The following ZNF680 variants were observed in gnomAD, a reference collection of about 807,000 sequenced individuals.
ZNF680 encodes the protein zinc finger protein 680, also known as hypothetical protein FLJ90430.
In ZNF680, 6 loss-of-function variants were observed where a neutral mutation model predicts 12.1. The ratio of observed to expected loss-of-function variants is 0.49; its 90% CI spans 0.27 to 0.98. The LOEUF is 0.98. Among genes scored for constraint, ZNF680 ranks in the 50% least tolerant of loss-of-function variants. The pLI is 0.12. For synonymous variants in ZNF680, 170 were observed against 199.3 expected (o/e 0.85, Z 1.24); for missense variants, 561 against 616.3 (o/e 0.91, Z 0.95).
chr7:64,524,437 A>G (rs1243078168), intron 3 of ZNF680, among the ~76,000 whole-genome samples: 1 of 152,158 alleles, frequency 6.6e-6, no homozygotes, highest in African/African-American at 2.4e-5. Flanking sequence ...GCTCACAAAG[A>G]AGAATATTAA....
At chr7:64,562,029 T>TC (rs1429128748) in intron 1 of ZNF680, among the ~76,000 whole-genome samples, 2 of 148,796 alleles carry the variant, frequency 1.3e-5, no homozygotes, top group African/African-American at 2.5e-5. Flanking sequence ...GGTCAGGAGT[T>TC]CAAGACCAGC....
rs372480256 is a variant in ZNF680, at chr7:64,531,489, C to T, written c.254-8989G>A. On this transcript the variant is annotated intron_variant, in intron 3 of 3. Transcript: ENST00000309683. The stretch of plus-strand genomic sequence containing the variant: ...GCGGGTGCCTGTAGTCCCAGCTACT[C>T]GGGTGGTTGAGGCAGGAGAATGGCG... Among the ~76,000 whole-genome samples, 52 of 148,368 alleles carry T rather than the reference C, an allele frequency of 3.5e-4. No homozygotes were observed. The East Asian group carries it at 8.8e-3, about 25-fold the overall frequency.
At position 64,544,626 on chromosome 7, in the gene ZNF680, C is replaced by G. The variant is rs180768324; in HGVS notation, c.31-194G>C. Among the ~76,000 whole-genome samples the G allele has an allele frequency of 8.2e-4, 125 of 152,214 alleles. 1 individual carries two copies. The highest frequency in any genetic ancestry group is 2.9e-3 in the African/African-American group (120 of 41,528). ...AAATATTCTCTAATATATTCTTTAACTCAGATAAGAGAACAGCATAAGATC... is the reference window on the plus strand; with the variant it reads ...AAATATTCTCTAATATATTCTTTAAGTCAGATAAGAGAACAGCATAAGATC... On this transcript the variant is annotated intron_variant, in intron 1 of 3. Coordinates refer to ENST00000309683, the MANE Select transcript of ZNF680 (RefSeq NM_178558.5).
chr7:64,526,061 G>A (rs1791826453), intron 3 of ZNF680: 1 of 965,166 alleles, frequency 1.0e-6, no homozygotes. Flanking sequence ...ATTAACTCAT[G>A]TGAGGTGGCA....
At position 64,521,471 on chromosome 7, in the gene ZNF680, T is replaced by C; in HGVS notation, c.1283A>G (p.His428Arg). Reference protein sequence around the residue: ...CSSLTRHKRIHTRENTYKCEE... With the variant: ...CSSLTRHKRIRTRENTYKCEE... ...ACATTTGTAGGTATTCTCTCTAGTG[T>C]GAATTCTCTTATGTCGAGTAAGGCT... Residue 428 changes from histidine (H) to arginine (R), a missense_variant, in exon 4 of 4, where the codon CAC (histidine) becomes CGC (arginine). Transcript: ENST00000309683. 6.2e-7 allele frequency: 1 copy of C among 1,613,576 alleles called. No individual in the cohort carries two copies. The highest frequency in any genetic ancestry group is 8.5e-7 in the Non-Finnish European group (1 of 1,179,718).
chr7:64,561,934 CAAA>C (rs1187872173), intron 1 of ZNF680, among the ~76,000 whole-genome samples: 2 of 80,312 alleles, frequency 2.5e-5, no homozygotes, highest in Non-Finnish European at 5.3e-5. Context: ...GACTCCGTCT[CAAA>C]AAAAAAAAAA....
chr7:64,530,826 C>T (rs1352543921), intron 3 of ZNF680, among the ~76,000 whole-genome samples: 2 of 151,018 alleles, frequency 1.3e-5, no homozygotes, highest in South Asian at 4.2e-4. Flanking sequence ...CCACTGCACT[C>T]CAGCCTGGGC....
chr7:64,537,854 C>G (rs201458936), intron 3 of ZNF680, among the ~76,000 whole-genome samples: 1 of 151,862 alleles, frequency 6.6e-6, no homozygotes, highest in Non-Finnish European at 1.5e-5. Flanking sequence ...GACGTGAACC[C>G]GGGAGGCAGA....
At chr7:64,510,922 T>A in the ZNF680 span, among the ~76,000 whole-genome samples, 14,201 of 33,038 alleles carry the variant, frequency 0.43, 3,315 homozygotes, top group African/African-American at 0.53. Flanking sequence ...AAAAAAAAAA[T>A]AAAAAATAAA....
intron 1 of ZNF680, among the ~76,000 whole-genome samples, chr7:64,562,020 G>A (rs1048627894): frequency 6.7e-6 from 1 of 149,894 alleles, no homozygotes; most frequent in Non-Finnish European, 1.5e-5. Context: ...AGATCACAAG[G>A]TCAGGAGTTC....
At position 64,548,046 on chromosome 7, in the gene ZNF680, C is replaced by G. The variant is rs1786875281; in HGVS notation, c.31-3614G>C. Among the ~76,000 whole-genome samples the G allele has an allele frequency of 3.3e-5, 5 of 152,096 alleles. No homozygotes were observed. The South Asian group carries it at 1.0e-3, about 31-fold the overall frequency. On this transcript the variant is annotated intron_variant, in intron 1 of 3. Transcript: ENST00000309683. ...GCAGAACTGGGGCAGGGAGTGGACC[C>G]TATGTAGAATTCTGCTCTCTATGCC...
intron 1 of ZNF680, among the ~76,000 whole-genome samples, chr7:64,559,283 G>A (rs564431026): frequency 2.6e-5 from 4 of 151,932 alleles, no homozygotes; most frequent in Non-Finnish European, 5.9e-5. Context: ...TGATATTACC[G>A]AAGTCAAGGG....
Position 64,521,539 on chromosome 7 carries a change from G to C in ZNF680, c.1215C>G (p.Pro405=), listed in dbSNP as rs1339045119. 6.2e-7 allele frequency: 1 copy of C among 1,613,190 alleles called. No individual in the cohort carries two copies. Among genetic ancestry groups the C allele is most frequent in the African/African-American group, 1.3e-5 (1 of 75,004 alleles). Residue 405 remains proline, a synonymous_variant, in exon 4 of 4, where the codon CCC becomes CCG. Transcript: ENST00000309683. ...CTTTGCCACATTCTTCACATTTGTA[G>C]GGTTTCTCTCCAGTATGAATTCTCA... ...EHMRIHTGEK[P]YKCEECGKAF... is the part of the protein sequence containing the mutation.
the ZNF680 span, among the ~76,000 whole-genome samples, chr7:64,509,833 G>C: frequency 6.6e-6 from 1 of 152,122 alleles, no homozygotes; most frequent in East Asian, 1.9e-4. Flanking sequence ...ACCCAAAGGA[G>C]AGAGAGAAGG....
chr7:64,522,194 C>A lies in ZNF680; in HGVS notation c.560G>T (p.Cys187Phe). ...TGAAAGCATGCAAAATGATTTGCCA[C>A]ATTCTTTACATTTGAAAACCTTCTT... ...TGKKVFKCKE[C>F]GKSFCMLSHL... is the part of the protein sequence containing the mutation. The change falls in exon 4 of 4, where the codon TGT becomes TTT. Residue 187 changes from cysteine (C) to phenylalanine (F), a missense_variant. Cys to Phe is a radical substitution (Grantham distance 205). Transcript: ENST00000309683. 6.2e-7 allele frequency: 1 copy of A among 1,612,550 alleles called. No individual in the cohort carries two copies. Among genetic ancestry groups the A allele is most frequent in the Non-Finnish European group, 8.5e-7 (1 of 1,179,104 alleles).
intron 3 of ZNF680, among the ~76,000 whole-genome samples, chr7:64,536,070 A>G (rs1786147838): frequency 6.6e-6 from 1 of 152,230 alleles, no homozygotes; most frequent in Non-Finnish European, 1.5e-5. Flanking sequence ...TTATCTATCT[A>G]TATGTATGTG....
the ZNF680 span, among the ~76,000 whole-genome samples, chr7:64,510,706 C>T: frequency 2.1e-4 from 29 of 136,556 alleles, no homozygotes; most frequent in East Asian, 3.4e-3. Context: ...GTCAGGAGAT[C>T]GAGACCATCC....
At chr7:64,525,779 A>G (rs765746976) in intron 3 of ZNF680, 38 of 970,066 alleles carry the variant, frequency 3.9e-5, no homozygotes, top group Non-Finnish European at 4.7e-5. Flanking sequence ...AAAATAATAT[A>G]GATCCATGAA....
At position 64,520,363 on chromosome 7, in the gene ZNF680, T is replaced by C. The variant is rs1363686743; in HGVS notation, c.*798A>G. Reference sequence around the variant, plus strand: ...AAAAAGTATACTTTCAATGTAATTATAACTCTCCAAAGAATCTTCTACTCC... The same window carrying C: ...AAAAAGTATACTTTCAATGTAATTACAACTCTCCAAAGAATCTTCTACTCC... On this transcript the variant is annotated 3_prime_UTR_variant, in exon 4 of 4. Transcript: ENST00000309683. 1 of 151,834 alleles carries C rather than the reference T, an allele frequency of 6.6e-6. No individual in the cohort carries two copies. Among genetic ancestry groups the C allele is most frequent in the South Asian group, 2.1e-4 (1 of 4,834 alleles). The allele number at this position is 151,834 out of a possible 1,614,324, so 9.4% of individuals were successfully genotyped here.
Sources: allele counts gnomAD v4.1 joint callset (sites outside exome capture counted in the v4.1 genomes callset), GRCh38; gene constraint gnomAD v4.1.1; transcripts MANE v1.5; gene names NCBI Gene and HGNC (gene_info 2026-07-23, HGNC 2026-07-21).